Variants in JPH1 observed in about 807,000 individuals in gnomAD.
JPH1 encodes junctophilin-1.
JPH1 carries 12 observed loss-of-function variants against 53.6 expected under a neutral mutation model. The observed-to-expected ratio is 0.22, with a 90% CI of 0.14 to 0.36. The LOEUF (loss-of-function observed/expected upper bound fraction) is 0.36, where lower values mean the gene tolerates loss of function less well. Among genes scored for constraint, JPH1 ranks in the 10% least tolerant of loss-of-function variants. JPH1 has a pLI of 1.00. For synonymous variants in JPH1, 375 were observed against 363.8 expected (o/e 1.03, Z -0.35); for missense variants, 808 against 905.5 (o/e 0.89, Z 1.38).
intron 4 of JPH1, among the ~76,000 whole-genome samples, chr8:74,239,497 A>C (rs1343948375): frequency 1.3e-5 from 2 of 152,220 alleles, no homozygotes; most frequent in Non-Finnish European, 2.9e-5. Flanking sequence ...AATAGTTGTA[A>C]TTCTAAATTG....
At chr8:74,288,951 C>T (rs912047994) in intron 2 of JPH1, among the ~76,000 whole-genome samples, 3 of 152,170 alleles carry the variant, frequency 2.0e-5, no homozygotes, top group Admixed American at 6.5e-5. Context: ...AAAAATGACA[C>T]TCAAACTATG....
At chr8:74,251,390 G>T (rs1309948065) in intron 3 of JPH1, among the ~76,000 whole-genome samples, 2 of 152,090 alleles carry the variant, frequency 1.3e-5, no homozygotes, top group African/African-American at 4.8e-5. Flanking sequence ...TAGTTTCAGG[G>T]ACTCATTTTC....
intron 3 of JPH1, among the ~76,000 whole-genome samples, chr8:74,254,156 C>T (rs2131387262): frequency 6.6e-6 from 1 of 152,210 alleles, no homozygotes; most frequent in Middle Eastern, 3.4e-3. Flanking sequence ...AAAATACTGG[C>T]AAACCGAATC....
At chr8:74,243,678 A>G (rs1586730554) in intron 4 of JPH1, among the ~76,000 whole-genome samples, 2 of 152,344 alleles carry the variant, frequency 1.3e-5, no homozygotes, top group Middle Eastern at 6.8e-3. Flanking sequence ...GGATGTGATC[A>G]GGTCAAGAGG....
At chr8:74,243,144 T>C (rs924018485) in intron 4 of JPH1, among the ~76,000 whole-genome samples, 1 of 152,240 alleles carries the variant, frequency 6.6e-6, no homozygotes, top group African/African-American at 2.4e-5. Flanking sequence ...CACTGATATA[T>C]GCGAGGCCTT....
At chr8:74,261,025 T>C (rs1262249507) in intron 2 of JPH1, among the ~76,000 whole-genome samples, 1 of 152,154 alleles carries the variant, frequency 6.6e-6, no homozygotes, top group East Asian at 1.9e-4. Flanking sequence ...GGGTAGTTCT[T>C]AAAACTGAAT....
At chr8:74,271,374 C>T (rs1287627621) in intron 2 of JPH1, among the ~76,000 whole-genome samples, 3 of 152,204 alleles carry the variant, frequency 2.0e-5, no homozygotes, top group Admixed American at 6.5e-5. Flanking sequence ...TTGCGCTAGA[C>T]ATCAGGCTGT....
Position 74,321,495 on chromosome 8 carries a change from C to T in JPH1, c.-208G>A. On this transcript the variant is annotated 5_prime_UTR_variant, in exon 1 of 6. Transcript: ENST00000342232. This position sits in a 1 kb window ranked among gnomAD's most constrained non-coding sequence, Gnocchi z 4.3. The stretch of plus-strand genomic sequence containing the variant: ...CCACCGCCGCCTTCCTCCTCCTCCT[C>T]CTCCTCCTTCGCCGCCGCCGCCTGG... The T allele has an allele frequency of 4.1e-6, 2 of 486,058 alleles. No individual in the cohort carries two copies. Among genetic ancestry groups the T allele is most frequent in the Non-Finnish European group, 6.9e-6 (2 of 289,516 alleles). 30.1% of individuals were successfully genotyped at this position (486,058 alleles called of 1,614,324 possible).
rs1025026482 is a variant in JPH1 at position 74,315,928 on chromosome 8, T to C, written c.380-308A>G. On this transcript the variant is annotated intron_variant, in intron 1 of 5. Transcript: ENST00000342232. The surrounding 1 kb of genome is among the most constrained non-coding windows in gnomAD (Gnocchi z 6.3). ...AAAAGTGAACACTGGGAAACAACAT[T>C]CTCCTCTGAAATTAATGCATCAAAA... Among the ~76,000 whole-genome samples, 13 of 152,002 alleles carry C rather than the reference T, an allele frequency of 8.6e-5. No individual in the cohort carries two copies. Among genetic ancestry groups the C allele is most frequent in the African/African-American group, 3.1e-4 (13 of 41,356 alleles).
rs891909858 is a variant in JPH1 at position 74,320,999 on chromosome 8, G to T, written c.289C>A (p.Arg97=). ...CGAGCGGGGGTGCACAGGCTCTGCC[G>T]GACCCCGTAGCGCCCCTTGAAACCA... ...SHGFKGRYGV[R]QSLCTPARYE... Residue 97 remains arginine, a synonymous_variant, in exon 1 of 6, where the codon CGG becomes AGG. Transcript: ENST00000342232. This position sits in a 1 kb window ranked among gnomAD's most constrained non-coding sequence, Gnocchi z 4.4. 1.2e-6 allele frequency: 2 copies of T among 1,612,696 alleles called. No individual in the cohort carries two copies. Among genetic ancestry groups the T allele is most frequent in the East Asian group, 4.5e-5 (2 of 44,728 alleles).
intron 2 of JPH1, among the ~76,000 whole-genome samples, chr8:74,275,729 C>T (rs1586751821): frequency 6.6e-6 from 1 of 152,152 alleles, no homozygotes; most frequent in Non-Finnish European, 1.5e-5. Flanking sequence ...ACAATGGGAG[C>T]ATAACGTCCT....
rs1195720855 is a variant in JPH1, at chr8:74,257,133, G to C, written c.1258+2252C>G. Among the ~76,000 whole-genome samples the C allele has an allele frequency of 3.9e-5, 6 of 152,214 alleles. No individual in the cohort carries two copies. In the East Asian group the frequency reaches 1.2e-3, roughly 29 times the overall value. Reference sequence around the variant, plus strand: ...AAAGGCTTTCTATACAGTTGCTGAAGAAAGTGCTGGCTGTGTGTCAAAGGG... The same window carrying C: ...AAAGGCTTTCTATACAGTTGCTGAACAAAGTGCTGGCTGTGTGTCAAAGGG... On this transcript the variant is annotated intron_variant, in intron 3 of 5. Coordinates refer to ENST00000342232, the MANE Select transcript of JPH1 (RefSeq NM_020647.4).
chr8:74,282,990 C>G (rs1267168371), intron 2 of JPH1, among the ~76,000 whole-genome samples: 1 of 152,076 alleles, frequency 6.6e-6, no homozygotes, highest in Non-Finnish European at 1.5e-5. Flanking sequence ...TAATATTTTA[C>G]TAGAGGTATT....
At position 74,245,044 on chromosome 8, in the gene JPH1, T is replaced by C. The variant is rs775809110; in HGVS notation, c.1390A>G (p.Arg464Gly). ...HFYRKGTTPPRSPEASPKHSH... is the reference protein window; with the variant it reads ...HFYRKGTTPPGSPEASPKHSH... Reference sequence around the variant, plus strand: ...TGTTTGGGACTTGCCTCAGGAGATCTTGGGGGTGTCGTGCCTTTGCGATAA... The same window carrying C: ...TGTTTGGGACTTGCCTCAGGAGATCCTGGGGGTGTCGTGCCTTTGCGATAA... Residue 464 changes from arginine (R) to glycine (G), a missense_variant, in exon 4 of 6, where the codon AGA (arginine) becomes GGA (glycine). Around this residue, in one of 2 missense-constraint regions of JPH1, gnomAD observed 756 missense variants for 811.9 expected, o/e 0.93. Coordinates refer to ENST00000342232, the MANE Select transcript of JPH1 (RefSeq NM_020647.4). 5.9e-5 allele frequency: 96 copies of C among 1,613,908 alleles called. No individual in the cohort carries two copies. In the South Asian group the frequency reaches 1.0e-3, roughly 17 times the overall value.
At chr8:74,311,499 T>C (rs1014405345) in intron 2 of JPH1, among the ~76,000 whole-genome samples, 2 of 149,992 alleles carry the variant, frequency 1.3e-5, no homozygotes, top group Non-Finnish European at 2.9e-5. Flanking sequence ...TCTTTTCTTA[T>C]TTTTAAGGCT....
chr8:74,306,029 A>G (rs1366658895), intron 2 of JPH1, among the ~76,000 whole-genome samples: 2 of 152,156 alleles, frequency 1.3e-5, no homozygotes, highest in East Asian at 3.9e-4. Flanking sequence ...TTTGTTTTAA[A>G]GAAAGATCTT....
intron 3 of JPH1, among the ~76,000 whole-genome samples, chr8:74,253,599 C>T (rs1435206794): frequency 1.3e-5 from 2 of 151,974 alleles, no homozygotes; most frequent in South Asian, 2.1e-4. Context: ...TTAATGAATC[C>T]AGGAGCTGGT....
At chr8:74,285,174 G>T (rs769434499) in intron 2 of JPH1, among the ~76,000 whole-genome samples, 1 of 151,856 alleles carries the variant, frequency 6.6e-6, no homozygotes, top group Non-Finnish European at 1.5e-5. Context: ...CAGGCATTAT[G>T]GTGTTGTAAA....
chr8:74,239,443 T>C (rs942940792), intron 4 of JPH1, among the ~76,000 whole-genome samples: 2 of 152,164 alleles, frequency 1.3e-5, no homozygotes, highest in Admixed American at 1.3e-4. Flanking sequence ...TTCCACAGTA[T>C]CAGAAAAACA....
Sources: allele counts gnomAD v4.1 joint callset (sites outside exome capture counted in the v4.1 genomes callset), GRCh38; gene constraint gnomAD v4.1.1; regional missense constraint gnomAD v4.1.1; non-coding constraint Gnocchi (gnomAD v3.1); transcripts MANE v1.5; gene names NCBI Gene and HGNC (gene_info 2026-07-23, HGNC 2026-07-21).